Variants in TM9SF2 observed in about 807,000 individuals in gnomAD.
TM9SF2 encodes the protein transmembrane 9 superfamily member 2.
TM9SF2 carries 13 observed loss-of-function variants against 84.9 expected under a neutral mutation model. The ratio of observed to expected loss-of-function variants is 0.15; its 90% CI spans 0.10 to 0.24. The LOEUF is 0.24. Ranked by LOEUF, TM9SF2 falls within the 10% of genes least tolerant of loss-of-function variation. TM9SF2 has a pLI of 1.00. For missense variants in TM9SF2, 562 were observed against 818.5 expected, an observed-to-expected ratio of 0.69 and a Z score of 3.82; for synonymous variants, 273 against 285.8, an observed-to-expected ratio of 0.96 and a Z score of 0.45.
At chr13:99,546,259 A>G (rs1188542874) in intron 10 of TM9SF2, among the ~76,000 whole-genome samples, 3 of 152,168 alleles carry the variant, frequency 2.0e-5, no homozygotes, top group Admixed American at 6.5e-5. Context: ...CCTGAAACTC[A>G]GTTCTCAGCA....
chr13:99,505,152 C>CT (rs35156746), intron 1 of TM9SF2, among the ~76,000 whole-genome samples: 85,051 of 134,982 alleles, frequency 0.63, 28,140 homozygotes, highest in East Asian at 0.88. Context: ...GTCCCTAAGA[C>CT]TTTTTTTTTT....
intron 3 of TM9SF2, among the ~76,000 whole-genome samples, chr13:99,528,931 A>G (rs771897647): frequency 6.6e-5 from 10 of 152,198 alleles, no homozygotes; most frequent in Non-Finnish European, 1.3e-4. Flanking sequence ...GGCTGGTTGT[A>G]TAGCTGGTAA....
intron 15 of TM9SF2, among the ~76,000 whole-genome samples, 197 bp downstream of exon 15, chr13:99,555,844 A>G (rs919588907): frequency 1.2e-4 from 18 of 152,204 alleles, no homozygotes; most frequent in South Asian, 6.2e-4. Context: ...GGAAATTACT[A>G]TTAGAGACTT....
At chr13:99,509,265 A>G (rs1442245255) in intron 1 of TM9SF2, among the ~76,000 whole-genome samples, 2 of 152,094 alleles carry the variant, frequency 1.3e-5, no homozygotes, top group East Asian at 3.9e-4. Flanking sequence ...CAATGAATCT[A>G]CTATTCTGGA....
chr13:99,549,759 C>T (rs2046298061), intron 12 of TM9SF2, among the ~76,000 whole-genome samples: 1 of 152,174 alleles, frequency 6.6e-6, no homozygotes, highest in Non-Finnish European at 1.5e-5. Flanking sequence ...AGAAGCAAAA[C>T]CCACTTCCTC....
chr13:99,507,056 TAAAG>T (rs2046091703), intron 1 of TM9SF2, among the ~76,000 whole-genome samples: 1 of 152,240 alleles, frequency 6.6e-6, no homozygotes, highest in Non-Finnish European at 1.5e-5. Flanking sequence ...ATAATAATGG[TAAAG>T]ACTACGATTT....
intron 1 of TM9SF2, among the ~76,000 whole-genome samples, chr13:99,517,078 G>A (rs1234396644): frequency 6.6e-6 from 1 of 151,840 alleles, no homozygotes; most frequent in African/African-American, 2.4e-5. Context: ...GGAGACATTT[G>A]CAACTCTGAA....
At chr13:99,502,304 C>A (rs374888586) in intron 1 of TM9SF2, among the ~76,000 whole-genome samples, 1 of 152,186 alleles carries the variant, frequency 6.6e-6, no homozygotes, top group Non-Finnish European at 1.5e-5. Context: ...CTTGTTCTTT[C>A]TAGGACTTTG....
intron 14 of TM9SF2, among the ~76,000 whole-genome samples, chr13:99,554,887 T>C (rs1594062028): frequency 6.6e-6 from 1 of 152,158 alleles, no homozygotes; most frequent in East Asian, 1.9e-4. Context: ...TCGGAGGGGA[T>C]TGGTGAAGGG....
chr13:99,522,440 C>T (rs147338592), intron 3 of TM9SF2, among the ~76,000 whole-genome samples: 1 of 152,324 alleles, frequency 6.6e-6, no homozygotes, highest in Non-Finnish European at 1.5e-5. Context: ...GGAAGGAACT[C>T]AAAGTGTATG....
intron 16 of TM9SF2, 95 bp from the exon 17 acceptor site, chr13:99,562,595 AC>A: frequency 8.0e-7 from 1 of 1,243,046 alleles, no homozygotes; most frequent in African/African-American, 1.5e-5. Flanking sequence ...TAGTTTTGCG[AC>A]TTTTTTAAGG....
At chr13:99,503,796 C>A (rs1331563806) in intron 1 of TM9SF2, among the ~76,000 whole-genome samples, 1 of 151,244 alleles carries the variant, frequency 6.6e-6, no homozygotes, top group Non-Finnish European at 1.5e-5. Context: ...AGGTGGTCTT[C>A]CAGTTAGATG....
rs2046259663 is a variant in TM9SF2, at chr13:99,541,539, T to C, written c.909-20T>C. On this transcript the variant is annotated intron_variant, in intron 8 of 16. Transcript: ENST00000376387. Reference sequence around the variant, plus strand: ...CTAGGATTAAGCTACAGATTACTCATGATGTGCTTATTTCTACAGCATTAT... The same window carrying C: ...CTAGGATTAAGCTACAGATTACTCACGATGTGCTTATTTCTACAGCATTAT... 1.3e-6 allele frequency: 2 copies of C among 1,556,364 alleles called. No homozygotes were observed. Among genetic ancestry groups the C allele is most frequent in the South Asian group, 2.3e-5 (2 of 88,770 alleles).
Position 99,501,501 on chromosome 13 carries a change from C to G in TM9SF2, c.-106C>G. On this transcript the variant is annotated 5_prime_UTR_variant, in exon 1 of 17. Coordinates refer to ENST00000376387, the MANE Select transcript of TM9SF2 (RefSeq NM_004800.3). ...CAACCGGAACTAGCCTTCTGGGGGC[C>G]GGCTTCCTTTATCTCTGGCGGCCTT... 4 of 1,417,540 alleles carry G rather than the reference C, an allele frequency of 2.8e-6. No homozygotes were observed. Among genetic ancestry groups the G allele is most frequent in the South Asian group, 2.7e-5 (2 of 74,664 alleles). The allele number at this position is 1,417,540 out of a possible 1,614,324, so 87.8% of individuals were successfully genotyped here.
At chr13:99,536,090 A>G (rs2046232804) in intron 4 of TM9SF2, among the ~76,000 whole-genome samples, 1 of 152,094 alleles carries the variant, frequency 6.6e-6, no homozygotes, top group Non-Finnish European at 1.5e-5. Flanking sequence ...AATAAGAGGC[A>G]TTTCCTTCTC....
At position 99,501,604 on chromosome 13, in the gene TM9SF2, A is replaced by G. The variant is rs535596177; in HGVS notation, c.-3A>G. 25 of 1,611,244 alleles carry G rather than the reference A, an allele frequency of 1.6e-5. No homozygotes were observed. In the African/African-American group the frequency reaches 1.7e-4, roughly 11 times the overall value. On this transcript the variant is annotated 5_prime_UTR_variant, in exon 1 of 17. Transcript: ENST00000376387. ...TGATTGCCCTTTCCCCGAAACAACTATCATGAGCGCGAGGCTGCCGGTGTT... is the reference window on the plus strand; with the variant it reads ...TGATTGCCCTTTCCCCGAAACAACTGTCATGAGCGCGAGGCTGCCGGTGTT...
intron 11 of TM9SF2, among the ~76,000 whole-genome samples, chr13:99,548,208 C>T (rs1362545604): frequency 6.6e-6 from 1 of 152,136 alleles, no homozygotes; most frequent in Non-Finnish European, 1.5e-5. Flanking sequence ...ACCCTGCTCC[C>T]ATCTGCACTC....
intron 1 of TM9SF2, among the ~76,000 whole-genome samples, chr13:99,516,803 C>G (rs1450116306): frequency 2.0e-5 from 3 of 152,054 alleles, no homozygotes; most frequent in African/African-American, 7.3e-5. Context: ...ATTGGCTATC[C>G]CTGTGTGTTT....
At chr13:99,539,583 A>G (rs1318857558) in intron 7 of TM9SF2, 26 bp downstream of exon 7, 1 of 1,375,338 alleles carries the variant, frequency 7.3e-7, no homozygotes, top group East Asian at 2.3e-5. Context: ...TCTTTAGTAT[A>G]ACTCTGAAAT....
Sources: allele counts gnomAD v4.1 joint callset (sites outside exome capture counted in the v4.1 genomes callset), GRCh38; gene constraint gnomAD v4.1.1; transcripts MANE v1.5; gene names NCBI Gene and HGNC (gene_info 2026-07-23, HGNC 2026-07-21).